The following AOPEP variants were observed in gnomAD, a reference collection of about 807,000 sequenced individuals.
The protein encoded by AOPEP is aminopeptidase O (putative).
AOPEP carries 77 observed loss-of-function variants against 98.1 expected under a neutral mutation model. The observed-to-expected ratio is 0.78, with a 90% CI of 0.65 to 0.95. The LOEUF is 0.95. Among genes scored for constraint, AOPEP ranks in the 40% least tolerant of loss-of-function variants. The probability of loss-of-function intolerance (pLI) is 0.00; values close to 1 mark genes in which losing one functional copy is unlikely to be tolerated. For missense variants in AOPEP, 1,024 were observed against 1,024.7 expected, an observed-to-expected ratio of 1.00 and a Z score of 0.01; for synonymous variants, 346 against 365.3, an observed-to-expected ratio of 0.95 and a Z score of 0.60.
chr9:94,726,820 G>C (rs1829284727), intron 1 of AOPEP, 69 bp downstream of exon 1: 1 of 152,348 alleles, frequency 6.6e-6, no homozygotes, highest in Non-Finnish European at 1.5e-5. Context: ...GGCGGGGACA[G>C]CATCATTCCG....
At chr9:94,892,248 A>T (rs1028991831) in intron 5 of AOPEP, among the ~76,000 whole-genome samples, 1 of 152,170 alleles carries the variant, frequency 6.6e-6, no homozygotes, top group Non-Finnish European at 1.5e-5. Context: ...GAAGTTTTCA[A>T]ATCTACTCCC....
chr9:94,770,886 A>G (rs756461229), intron 2 of AOPEP, among the ~76,000 whole-genome samples: 5 of 152,186 alleles, frequency 3.3e-5, no homozygotes, highest in Admixed American at 6.5e-5. Flanking sequence ...CGATGTAAAT[A>G]TTAGGAGTAA....
chr9:95,064,062 C>CT (rs2067604780), intron 14 of AOPEP, among the ~76,000 whole-genome samples: 1 of 152,328 alleles, frequency 6.6e-6, no homozygotes, highest in African/African-American at 2.4e-5. Context: ...AGGCTCCACT[C>CT]TTTCATGTAG....
intron 4 of AOPEP, among the ~76,000 whole-genome samples, chr9:94,796,236 C>G (rs1468635765): frequency 6.6e-6 from 1 of 151,844 alleles, no homozygotes; most frequent in Non-Finnish European, 1.5e-5. Context: ...CCCATGCCCC[C>G]TTCCATGTCC....
the AOPEP span, among the ~76,000 whole-genome samples, chr9:95,143,248 G>T: frequency 6.6e-6 from 1 of 152,172 alleles, no homozygotes; most frequent in Non-Finnish European, 1.5e-5. Context: ...CTCCAGGCAC[G>T]TCACCTTCCC....
intron 6 of AOPEP, among the ~76,000 whole-genome samples, chr9:94,926,874 G>A (rs767988168): frequency 2.6e-5 from 4 of 152,208 alleles, no homozygotes; most frequent in Admixed American, 6.5e-5. Context: ...AGAGGCATCC[G>A]CAGGGATTTG....
At chr9:94,923,964 T>C (rs2053959049) in intron 5 of AOPEP, 22 bp from the exon 6 acceptor site, 1 of 1,378,690 alleles carries the variant, frequency 7.3e-7, no homozygotes, top group African/African-American at 1.5e-5. Context: ...ACTCTGTGCA[T>C]TTTCTCCCCC....
At chr9:95,024,306 C>T (rs1359643880) in intron 13 of AOPEP, among the ~76,000 whole-genome samples, 6 of 152,156 alleles carry the variant, frequency 3.9e-5, no homozygotes, top group South Asian at 2.1e-4. Context: ...TTCCATAGTC[C>T]GTGTCCTTGT....
chr9:94,982,849 G>C (rs558468786), intron 11 of AOPEP, among the ~76,000 whole-genome samples: 41 of 151,944 alleles, frequency 2.7e-4, no homozygotes, highest in African/African-American at 8.9e-4. Context: ...TTTTTTTCAT[G>C]TCCAAACAAA....
the AOPEP span, chr9:95,123,826 ACCTGCGGATGCTG>A: frequency 3.0e-6 from 2 of 672,354 alleles, no homozygotes; most frequent in Non-Finnish European, 5.6e-6. Context: ...TCCAATTTAG[ACCTGCGGATGCTG>A]CCCCACAACC....
the AOPEP span, among the ~76,000 whole-genome samples, chr9:95,125,613 A>G: frequency 6.6e-6 from 1 of 152,230 alleles, no homozygotes. Flanking sequence ...GCTTCCATGC[A>G]TTATTGTACA....
chr9:95,027,686 T>G (rs2063952561), intron 13 of AOPEP, among the ~76,000 whole-genome samples: 1 of 152,192 alleles, frequency 6.6e-6, no homozygotes, highest in African/African-American at 2.4e-5. Context: ...TTATTAAAAA[T>G]GCAACTAGCA....
chr9:94,999,923 G>A lies in AOPEP; in HGVS notation c.1978-5235G>A, dbSNP rs537828981. Among the ~76,000 whole-genome samples, 4 of 152,308 alleles carry A rather than the reference G, an allele frequency of 2.6e-5. No individual in the cohort carries two copies. The East Asian group carries it at 7.7e-4, about 29-fold the overall frequency. On this transcript the variant is annotated intron_variant, in intron 11 of 16. Coordinates refer to ENST00000375315, the MANE Select transcript of AOPEP (RefSeq NM_001193329.3). ...ACTAAGCATTGTACATGTTCCCTCA[G>A]TTGATCTCTGTAAACGTTTTTAGCA...
chr9:95,058,004 TAAGTC>T (rs1174108166), intron 13 of AOPEP, among the ~76,000 whole-genome samples: 2 of 152,370 alleles, frequency 1.3e-5, no homozygotes, highest in African/African-American at 2.4e-5. Flanking sequence ...CTCGCGGTCT[TAAGTC>T]AGGGAGTTTA....
At chr9:95,106,246 C>T in the AOPEP span, among the ~76,000 whole-genome samples, 2 of 152,196 alleles carry the variant, frequency 1.3e-5, no homozygotes, top group Non-Finnish European at 2.9e-5. Context: ...TGCCTACTGG[C>T]CATTTGTACA....
At chr9:94,973,935 A>G (rs1461362620) in intron 10 of AOPEP, among the ~76,000 whole-genome samples, 3 of 152,192 alleles carry the variant, frequency 2.0e-5, no homozygotes, top group African/African-American at 7.2e-5. Context: ...TTGATTTGAA[A>G]AAGTCAGCTT....
chr9:95,017,587 T>C (rs1256387052), intron 13 of AOPEP, among the ~76,000 whole-genome samples: 1 of 152,180 alleles, frequency 6.6e-6, no homozygotes, highest in Non-Finnish European at 1.5e-5. Flanking sequence ...GATTGCTGAG[T>C]GCCCCCACAG....
At chr9:94,888,040 T>A (rs1013754771) in intron 5 of AOPEP, among the ~76,000 whole-genome samples, 2 of 152,258 alleles carry the variant, frequency 1.3e-5, no homozygotes, top group Non-Finnish European at 2.9e-5. Flanking sequence ...TTCACCTTTT[T>A]ATCCAATATT....
chr9:94,904,923 A>T (rs114031201), intron 5 of AOPEP, among the ~76,000 whole-genome samples: 1 of 152,240 alleles, frequency 6.6e-6, no homozygotes. Flanking sequence ...TGCTGATATA[A>T]CATGAAATGA....
Sources: gnomAD v4.1 joint callset for allele counts (sites outside exome capture counted in the v4.1 genomes callset) on GRCh38, gnomAD v4.1.1 for gene constraint, MANE v1.5 for transcripts, NCBI Gene and HGNC (gene_info 2026-07-23, HGNC 2026-07-21) for gene names.